The following NME7 variants were observed in gnomAD, a reference collection of about 807,000 sequenced individuals.
NME7 encodes nucleoside diphosphate kinase 7.
A neutral mutation model predicts 49.1 loss-of-function variants in NME7; 41 were observed. The observed-to-expected ratio is 0.83, with a 90% CI of 0.65 to 1.08. The LOEUF (loss-of-function observed/expected upper bound fraction) is 1.08. Among genes scored for constraint, NME7 ranks in the 50% least tolerant of loss-of-function variants. NME7 has a pLI of 0.00. For synonymous variants in NME7, 139 were observed against 150.6 expected, an observed-to-expected ratio of 0.92 and a Z score of 0.56; for missense variants, 423 against 463.4, an observed-to-expected ratio of 0.91 and a Z score of 0.80.
chr1:169,169,614 C>T (rs906300326), intron 10 of NME7, 60 bp from the exon 11 acceptor site: 4 of 1,442,122 alleles, frequency 2.8e-6, no homozygotes, highest in African/African-American at 2.8e-5. Flanking sequence ...ATAAGAAAAA[C>T]ACTAGCTATA....
chr1:169,178,502 C>A (rs937958707), intron 10 of NME7, among the ~76,000 whole-genome samples: 2 of 152,106 alleles, frequency 1.3e-5, no homozygotes, highest in African/African-American at 4.8e-5. Context: ...TGGGAAGGTA[C>A]TCTTGAAATC....
At chr1:169,143,679 T>G (rs1051287297) in intron 11 of NME7, among the ~76,000 whole-genome samples, 3 of 152,182 alleles carry the variant, frequency 2.0e-5, no homozygotes, top group Non-Finnish European at 4.4e-5. Flanking sequence ...ATAGGAAAAG[T>G]TCAGTGAAAT....
intron 1 of NME7, among the ~76,000 whole-genome samples, chr1:169,352,093 C>T (rs1646131414): frequency 6.6e-6 from 1 of 151,548 alleles, no homozygotes; most frequent in African/African-American, 2.4e-5. Context: ...TACCCTGATA[C>T]CAAAACCAGA....
chr1:169,284,581 A>T (rs1650193155), intron 7 of NME7: 1 of 152,098 alleles, frequency 6.6e-6, no homozygotes, highest in African/African-American at 2.4e-5. Flanking sequence ...GAAGCTCTTT[A>T]GTTTAATTAG....
chr1:169,193,485 T>C (rs966886186), intron 10 of NME7, among the ~76,000 whole-genome samples: 1 of 152,194 alleles, frequency 6.6e-6, no homozygotes, highest in African/African-American at 2.4e-5. Context: ...GGCTCTTTCA[T>C]GTCCAAAAGC....
intron 1 of NME7, among the ~76,000 whole-genome samples, chr1:169,367,160 GA>G (rs1653900367): frequency 6.6e-6 from 1 of 151,508 alleles, no homozygotes; most frequent in African/African-American, 2.4e-5. Context: ...AAAAGAAGAA[GA>G]AAGAAAAGAA....
At chr1:169,188,223 A>T (rs1047294325) in intron 10 of NME7, among the ~76,000 whole-genome samples, 10 of 152,092 alleles carry the variant, frequency 6.6e-5, no homozygotes, top group Non-Finnish European at 1.3e-4. Flanking sequence ...ATCAGAAAAT[A>T]ACAGCTTCAA....
At chr1:169,156,354 T>C (rs1361695195) in intron 11 of NME7, among the ~76,000 whole-genome samples, 1 of 126,258 alleles carries the variant, frequency 7.9e-6, no homozygotes, top group African/African-American at 2.8e-5. Flanking sequence ...GGAATTGTGC[T>C]ACTGTTTGAG....
chr1:169,169,799 G>A (rs979262778), intron 10 of NME7, among the ~76,000 whole-genome samples: 1 of 152,156 alleles, frequency 6.6e-6, no homozygotes, highest in Non-Finnish European at 1.5e-5. Flanking sequence ...GTTCATTACT[G>A]TGAAAGACTT....
chr1:169,192,446 G>T (rs1557981741), intron 10 of NME7, among the ~76,000 whole-genome samples: 1 of 152,034 alleles, frequency 6.6e-6, no homozygotes, highest in Admixed American at 6.5e-5. Context: ...ATTGTATTAG[G>T]TATAAGTAAA....
At chr1:169,237,289 T>G (rs191237724) in intron 8 of NME7, among the ~76,000 whole-genome samples, 2 of 152,086 alleles carry the variant, frequency 1.3e-5, no homozygotes, top group African/African-American at 4.8e-5. Context: ...CATCACAATT[T>G]CTCACTTTGA....
At chr1:169,145,528 T>C (rs1285608956) in intron 11 of NME7, among the ~76,000 whole-genome samples, 1 of 152,164 alleles carries the variant, frequency 6.6e-6, no homozygotes, top group Non-Finnish European at 1.5e-5. Context: ...GAAGCTTCCA[T>C]GGAGGCACAG....
chr1:169,290,859 T>C (rs1650471471), intron 6 of NME7, among the ~76,000 whole-genome samples: 1 of 152,114 alleles, frequency 6.6e-6, no homozygotes. Flanking sequence ...GGGCAAAGTA[T>C]ATGAACAGAC....
chr1:169,209,799 G>A (rs1243897948), intron 10 of NME7, among the ~76,000 whole-genome samples: 1 of 152,016 alleles, frequency 6.6e-6, no homozygotes. Flanking sequence ...TTGCATTGTA[G>A]GCTAGAGCCA....
At chr1:169,173,808 A>C (rs1431273801) in intron 10 of NME7, among the ~76,000 whole-genome samples, 1 of 152,176 alleles carries the variant, frequency 6.6e-6, no homozygotes, top group Non-Finnish European at 1.5e-5. Context: ...CCCTCCCTTC[A>C]AGGAGCAGAA....
chr1:169,154,360 A>T (rs1190844764), intron 11 of NME7, among the ~76,000 whole-genome samples: 1 of 152,208 alleles, frequency 6.6e-6, no homozygotes, highest in Non-Finnish European at 1.5e-5. Context: ...CTGCGGATTC[A>T]TATCAATGAA....
At position 169,309,791 on chromosome 1, in the gene NME7, G is replaced by A. The variant is rs112196262; in HGVS notation, c.389+179C>T. 3.5e-3 allele frequency among the ~76,000 whole-genome samples: 532 copies of A among 152,000 alleles called. 4 individuals carry two copies. The highest frequency in any genetic ancestry group is 0.012 in the African/African-American group (507 of 41,460). On this transcript the variant is annotated intron_variant, in intron 4 of 11. Coordinates refer to ENST00000367811, the MANE Select transcript of NME7 (RefSeq NM_013330.5). ...AAAAGATCAAATCTTTTAGGGGGCC[G>A]GCTTTGTCAGTAACATTCTAGATGA...
intron 11 of NME7, 55 bp downstream of exon 11, chr1:169,169,392 T>G: frequency 5.7e-5 from 84 of 1,474,368 alleles, no homozygotes; most frequent in Middle Eastern, 1.8e-4. Flanking sequence ...TCAGAACTCC[T>G]GAGATAATTT....
At position 169,226,779 on chromosome 1, in the gene NME7, T is replaced by C. The variant is rs546135889; in HGVS notation, c.990+3939A>G. Among the ~76,000 whole-genome samples the C allele has an allele frequency of 4.6e-5, 7 of 152,320 alleles. No individual in the cohort carries two copies. The East Asian group carries it at 1.4e-3, about 29-fold the overall frequency. ...ATAGGAAAACAGAACTGAAACATTA[T>C]CATATTTCCACCTCCTAAAGATAAC... On this transcript the variant is annotated intron_variant, in intron 10 of 11. Coordinates refer to ENST00000367811, the MANE Select transcript of NME7 (RefSeq NM_013330.5).
Sources: gnomAD v4.1 joint callset for allele counts (sites outside exome capture counted in the v4.1 genomes callset) on GRCh38, gnomAD v4.1.1 for gene constraint, MANE v1.5 for transcripts, NCBI Gene and HGNC (gene_info 2026-07-23, HGNC 2026-07-21) for gene names.